Variants in CADM1 observed in about 807,000 individuals in gnomAD.
The protein encoded by CADM1 is TSLC-1.
Under a neutral mutation model 53.1 loss-of-function variants are expected in CADM1, and 15 were observed. The ratio of observed to expected loss-of-function variants is 0.28; its 90% CI spans 0.19 to 0.44. The LOEUF (loss-of-function observed/expected upper bound fraction) is 0.44. Among genes scored for constraint, CADM1 ranks in the 20% least tolerant of loss-of-function variants. The pLI is 1.00. For synonymous variants in CADM1, 281 were observed against 243.0 expected (o/e 1.16, Z -1.45); for missense variants, 434 against 611.3 (o/e 0.71, Z 3.06).
At chr11:115,403,667 GCT>G (rs1409516114) in intron 1 of CADM1, among the ~76,000 whole-genome samples, 2 of 152,016 alleles carry the variant, frequency 1.3e-5, no homozygotes, top group Non-Finnish European at 2.9e-5. Context: ...CGCTATCTCG[GCT>G]TACTGCAACC....
intron 7 of CADM1, among the ~76,000 whole-genome samples, chr11:115,212,204 T>C (rs987712858): frequency 6.6e-6 from 1 of 152,094 alleles, no homozygotes; most frequent in African/African-American, 2.4e-5. Context: ...GCTCAGGCAC[T>C]AACCAGCTAG....
chr11:115,179,348 T>C (rs1939200933), intron 10 of CADM1, among the ~76,000 whole-genome samples: 3 of 152,324 alleles, frequency 2.0e-5, no homozygotes, highest in Admixed American at 2.0e-4. Flanking sequence ...TAAGCCTCAA[T>C]TTAAAACCTA....
In CADM1 at chr11:115,175,911, G is replaced by A. The variant is rs1423260520; in HGVS notation, c.*563C>T. On this transcript the variant is annotated 3_prime_UTR_variant, in exon 12 of 12. Coordinates refer to ENST00000331581, the MANE Select transcript of CADM1 (RefSeq NM_001301043.2). ...ACGACAACAGAGAAGAATGCATTATGGATACACTAAATTCTGAACTATGAA... is the reference window on the plus strand; with the variant it reads ...ACGACAACAGAGAAGAATGCATTATAGATACACTAAATTCTGAACTATGAA... The A allele has an allele frequency of 3.0e-6, 3 of 1,004,108 alleles. No individual in the cohort carries two copies. Among genetic ancestry groups the A allele is most frequent in the East Asian group, 2.1e-4 (2 of 9,730 alleles). The allele number at this position is 1,004,108 out of a possible 1,614,324, so 62.2% of individuals were successfully genotyped here.
intron 1 of CADM1, among the ~76,000 whole-genome samples, chr11:115,495,795 T>C (rs1267230668): frequency 6.6e-6 from 1 of 152,120 alleles, no homozygotes. Flanking sequence ...TTAGGATTTA[T>C]TTTATTTTAT....
intron 1 of CADM1, among the ~76,000 whole-genome samples, chr11:115,361,864 C>T (rs1946037650): frequency 6.6e-6 from 1 of 151,436 alleles, no homozygotes; most frequent in Admixed American, 6.6e-5. Context: ...GTAGCTGGGA[C>T]ATGGGTGTGC....
chr11:115,485,739 T>G (rs1056845122), intron 1 of CADM1, among the ~76,000 whole-genome samples: 3 of 152,210 alleles, frequency 2.0e-5, no homozygotes, highest in African/African-American at 7.2e-5. Flanking sequence ...CTCTTTTTCT[T>G]TATATAAACT....
chr11:115,198,607 G>C, intron 8 of CADM1, among the ~76,000 whole-genome samples, 169 bp from the exon 9 acceptor site: 1 of 152,246 alleles, frequency 6.6e-6, no homozygotes, highest in East Asian at 1.9e-4. Context: ...GAAGTGAGTT[G>C]CACTGTTTTA....
chr11:115,265,314 G>A (rs1943105167), intron 1 of CADM1, among the ~76,000 whole-genome samples: 1 of 152,154 alleles, frequency 6.6e-6, no homozygotes, highest in African/African-American at 2.4e-5. Flanking sequence ...TGGGTGTTGT[G>A]TTCATGGTGG....
Position 115,346,947 on chromosome 11 carries a change from GA to G in CADM1, c.125-106528del, listed in dbSNP as rs1188213963. ...TAATAATACCAAACATTGTCAGAAG[GA>G]AAAAACAAAAAAAAACCCTATTGAT... On this transcript the variant is annotated intron_variant, in intron 1 of 11. Transcript: ENST00000331581. Among the ~76,000 whole-genome samples the G allele has an allele frequency of 3.3e-5, 5 of 150,214 alleles. No individual in the cohort carries two copies. The South Asian group carries it at 1.0e-3, about 31-fold the overall frequency.
intron 1 of CADM1, among the ~76,000 whole-genome samples, chr11:115,383,584 A>G (rs746418527): frequency 2.0e-5 from 3 of 152,214 alleles, no homozygotes; most frequent in South Asian, 2.1e-4. Context: ...TGAACCACAG[A>G]GCAATGCCCA....
At chr11:115,425,769 A>T (rs1591220081) in intron 1 of CADM1, among the ~76,000 whole-genome samples, 1 of 152,232 alleles carries the variant, frequency 6.6e-6, no homozygotes, top group South Asian at 2.1e-4. Context: ...CTTCATAGAA[A>T]GACAAAGTAA....
intron 1 of CADM1, among the ~76,000 whole-genome samples, chr11:115,488,014 G>A (rs966001775): frequency 2.2e-5 from 3 of 136,194 alleles, no homozygotes; most frequent in African/African-American, 8.4e-5. Flanking sequence ...AACTTAAAAG[G>A]TCCTTTAAAA....
chr11:115,219,853 A>T (rs1049754106), intron 5 of CADM1, among the ~76,000 whole-genome samples: 3 of 151,860 alleles, frequency 2.0e-5, no homozygotes, highest in Non-Finnish European at 2.9e-5. Flanking sequence ...AAAAAGATAC[A>T]AAAAAAATGA....
At chr11:115,236,781 C>CTTT (rs1942026226) in intron 3 of CADM1, among the ~76,000 whole-genome samples, 2 of 152,076 alleles carry the variant, frequency 1.3e-5, no homozygotes, top group South Asian at 4.1e-4. Flanking sequence ...CGGTATTTAA[C>CTTT]TGAAAACAAC....
At chr11:115,340,662 T>A (rs867885065) in intron 1 of CADM1, among the ~76,000 whole-genome samples, 890 of 75,846 alleles carry the variant, frequency 0.012, no homozygotes, top group Non-Finnish European at 0.014. Context: ...ATATATATTT[T>A]TTTTTTTTTT....
intron 1 of CADM1, among the ~76,000 whole-genome samples, chr11:115,495,147 G>T (rs375326196): frequency 1.2e-4 from 18 of 152,148 alleles, no homozygotes; most frequent in South Asian, 1.0e-3. Flanking sequence ...AATTAACTTG[G>T]TTTTTTTCTC....
Position 115,368,110 on chromosome 11 carries a change from C to CTTT in CADM1, c.125-127693_125-127691dup, listed in dbSNP as rs58589028. The stretch of plus-strand genomic sequence containing the variant: ...AAAATGTCTTTATTATCACTAGAGT[C>CTTT]TTTTTTTTTTTTTTTTTTTTTTTTT... On this transcript the variant is annotated intron_variant, in intron 1 of 11. Coordinates refer to ENST00000331581, the MANE Select transcript of CADM1 (RefSeq NM_001301043.2). 3.8e-3 allele frequency among the ~76,000 whole-genome samples: 236 copies of CTTT among 61,846 alleles called. 7 individuals carry two copies. Among genetic ancestry groups the CTTT allele is most frequent in the Middle Eastern group, 0.014 (1 of 70 alleles). The allele number at this position is 61,846 out of a possible 152,430, so 40.6% of individuals were successfully genotyped here.
intron 1 of CADM1, among the ~76,000 whole-genome samples, chr11:115,254,591 CACAG>C (rs768942618): frequency 0.018 from 2,554 of 140,684 alleles, 39 homozygotes; most frequent in African/African-American, 0.052. Flanking sequence ...CACACACACA[CACAG>C]AGACAACAAA....
At chr11:115,447,630 T>A (rs1591251796) in intron 1 of CADM1, among the ~76,000 whole-genome samples, 1 of 152,294 alleles carries the variant, frequency 6.6e-6, no homozygotes, top group Non-Finnish European at 1.5e-5. Flanking sequence ...CTAGCATCCA[T>A]CTCCAGGTAC....
Sources: allele counts gnomAD v4.1 joint callset (sites outside exome capture counted in the v4.1 genomes callset), GRCh38; gene constraint gnomAD v4.1.1; transcripts MANE v1.5; gene names NCBI Gene and HGNC (gene_info 2026-07-23, HGNC 2026-07-21).